PTPRD: variants seen among roughly 807,000 people sequenced by gnomAD.
PTPRD encodes the protein protein tyrosine phosphatase receptor type D.
Under a neutral mutation model 214.5 loss-of-function variants are expected in PTPRD, and 34 were observed. The ratio of observed to expected loss-of-function variants is 0.16; its 90% confidence interval spans 0.12 to 0.21. The LOEUF (loss-of-function observed/expected upper bound fraction) is 0.21. Ranked by LOEUF, PTPRD falls within the 10% of genes least tolerant of loss-of-function variation. The pLI, the probability that PTPRD is intolerant of heterozygous loss-of-function variation, is 1.00. For synonymous variants in PTPRD, 1,128 were observed against 845.7 expected, an observed-to-expected ratio of 1.33 and a Z score of -5.79; for missense variants, 2,545 against 2,398.7, an observed-to-expected ratio of 1.06 and a Z score of -1.27.
chr9:10,075,767 C>A (rs949352344), intron 3 of PTPRD, among the ~76,000 whole-genome samples: 11 of 151,872 alleles, frequency 7.2e-5, no homozygotes, highest in African/African-American at 2.2e-4. Flanking sequence ...AAAATTGAAG[C>A]TTTAGAGTCT....
rs966196525 is a variant in PTPRD, at chr9:9,276,444, T to C, written c.-202-93081A>G. 9.3e-5 allele frequency among the ~76,000 whole-genome samples: 14 copies of C among 151,336 alleles called. No homozygotes were observed. In the East Asian group the frequency reaches 2.8e-3, roughly 30 times the overall value. On this transcript the variant is annotated intron_variant, in intron 9 of 45. Coordinates refer to ENST00000381196, the MANE Select transcript of PTPRD (RefSeq NM_002839.4). ...GGAACTGTTTTGGTAATGGGCAAGG[T>C]GGTTTTCTCAGAGATGGTCTTGGCA... is the stretch of plus-strand genomic sequence containing the variant.
At chr9:9,360,015 G>A (rs118034996) in intron 9 of PTPRD, among the ~76,000 whole-genome samples, 1,670 of 151,260 alleles carry the variant, frequency 0.011, 13 homozygotes, top group Middle Eastern at 0.024. Context: ...CAGTGATCTG[G>A]TTACAGTTCA....
At chr9:8,421,715 G>A (rs899700765) in intron 35 of PTPRD, among the ~76,000 whole-genome samples, 1 of 151,762 alleles carries the variant, frequency 6.6e-6, no homozygotes, top group East Asian at 1.9e-4. Context: ...TCCATCAAAT[G>A]TTTAAAAGCA....
In PTPRD at chr9:10,597,888, T is replaced by TGG. The variant is rs1567137722; in HGVS notation, c.-600+14508_-600+14509dup. Among the ~76,000 whole-genome samples the TGG allele has an allele frequency of 2.6e-5, 4 of 151,906 alleles. No homozygotes were observed. The South Asian group carries it at 6.2e-4, about 24-fold the overall frequency. ...CCATTGAACATTGAGTCTTTCCAGG[T>TGG]GGGCCTTCTATAAGCTTTCATCGCA... On this transcript the variant is annotated intron_variant, in intron 2 of 45. Transcript: ENST00000381196.
In PTPRD at chr9:8,437,369, T is replaced by C. The variant is rs1450332774; in HGVS notation, c.3989-680A>G. On this transcript the variant is annotated intron_variant, in intron 34 of 45. Transcript: ENST00000381196. ...CTGCAAGTTTTTACAGAATTCACTA[T>C]ACATTGTGGCTAGTACAATGTGACT... 1.6e-5 allele frequency: 11 copies of C among 693,158 alleles called. No individual in the cohort carries two copies. The South Asian group carries it at 1.8e-4, about 12-fold the overall frequency. 42.9% of individuals were successfully genotyped at this position (693,158 alleles called of 1,614,324 possible).
intron 4 of PTPRD, among the ~76,000 whole-genome samples, chr9:10,017,786 GA>G (rs1355302575): frequency 1.3e-5 from 2 of 151,750 alleles, no homozygotes; most frequent in Non-Finnish European, 2.9e-5. Context: ...TTAATATTTT[GA>G]TATTTGGGAG....
chr9:9,623,225 G>A (rs2095308024), intron 7 of PTPRD, among the ~76,000 whole-genome samples: 1 of 152,064 alleles, frequency 6.6e-6, no homozygotes, highest in Non-Finnish European at 1.5e-5. Flanking sequence ...CATCTCCTTT[G>A]TATGAATCAA....
intron 3 of PTPRD, among the ~76,000 whole-genome samples, chr9:10,115,979 GA>G (rs955178148): frequency 3.3e-5 from 5 of 151,848 alleles, no homozygotes; most frequent in Non-Finnish European, 5.9e-5. Context: ...ATTTAAGATA[GA>G]AAAAAAGGAG....
At chr9:8,376,854 C>G (rs1256225812) in intron 37 of PTPRD, 128 bp from the exon 38 acceptor site, 1 of 1,275,814 alleles carries the variant, frequency 7.8e-7, no homozygotes, top group Non-Finnish European at 1.1e-6. Flanking sequence ...TTCTGGCATG[C>G]ATTTTTGTTA....
chr9:9,425,695 C>T (rs2080592812), intron 8 of PTPRD, among the ~76,000 whole-genome samples: 1 of 151,662 alleles, frequency 6.6e-6, no homozygotes, highest in Admixed American at 6.6e-5. Flanking sequence ...AACAATGATG[C>T]AGATATAGTT....
chr9:10,511,552 C>A (rs530986769), intron 2 of PTPRD, among the ~76,000 whole-genome samples: 1 of 146,974 alleles, frequency 6.8e-6, no homozygotes, highest in Admixed American at 6.8e-5. Context: ...TACAGGTGTG[C>A]GCCACCACAC....
intron 2 of PTPRD, among the ~76,000 whole-genome samples, chr9:10,522,105 T>A (rs993861309): frequency 6.6e-6 from 1 of 152,162 alleles, no homozygotes; most frequent in Non-Finnish European, 1.5e-5. Flanking sequence ...GGAAAGGTAC[T>A]GGTGGTACCT....
chr9:8,583,159 A>T (rs1208785899), intron 14 of PTPRD, among the ~76,000 whole-genome samples: 1 of 152,140 alleles, frequency 6.6e-6, no homozygotes, highest in Non-Finnish European at 1.5e-5. Context: ...AGTTTACGAT[A>T]GGTTTTGCAC....
At chr9:8,781,813 A>G (rs1452107226) in intron 11 of PTPRD, among the ~76,000 whole-genome samples, 1 of 152,154 alleles carries the variant, frequency 6.6e-6, no homozygotes, top group African/African-American at 2.4e-5. Context: ...TGTCTTCTCT[A>G]TATTTAAGGT....
At chr9:8,676,123 T>C (rs2097408461) in intron 12 of PTPRD, among the ~76,000 whole-genome samples, 1 of 152,184 alleles carries the variant, frequency 6.6e-6, no homozygotes, top group Non-Finnish European at 1.5e-5. Flanking sequence ...CTAATACTTT[T>C]TTGTATATTA....
At chr9:9,439,571 C>T (rs942558021) in intron 8 of PTPRD, among the ~76,000 whole-genome samples, 4 of 152,166 alleles carry the variant, frequency 2.6e-5, no homozygotes, top group African/African-American at 9.6e-5. Context: ...GAAACTGCTT[C>T]ATCAGCCCTT....
intron 3 of PTPRD, among the ~76,000 whole-genome samples, chr9:10,278,031 A>G (rs10959009): frequency 0.16 from 23,548 of 151,678 alleles, 1,900 homozygotes; most frequent in Non-Finnish European, 0.18. Flanking sequence ...GTGGTGGCGG[A>G]CGCCTGTAGT....
intron 12 of PTPRD, chr9:8,713,175 G>C: frequency 1.8e-6 from 1 of 563,662 alleles, no homozygotes; most frequent in South Asian, 2.3e-5. Context: ...ATAACTGTCA[G>C]TGCCAGAATT....
chr9:9,275,055 G>GTA (rs1191104947), intron 9 of PTPRD, among the ~76,000 whole-genome samples: 24 of 69,090 alleles, frequency 3.5e-4, no homozygotes, highest in African/African-American at 1.3e-3. Context: ...ATATATATAT[G>GTA]TATATATATA....
Sources: allele counts gnomAD v4.1 joint callset (sites outside exome capture counted in the v4.1 genomes callset), GRCh38; gene constraint gnomAD v4.1.1; transcripts MANE v1.5; gene names NCBI Gene and HGNC (gene_info 2026-07-23, HGNC 2026-07-21).